Variants in OSBPL3 observed in about 807,000 individuals in gnomAD.
OSBPL3 encodes oxysterol-binding protein-related protein 3.
In OSBPL3, 65 loss-of-function variants were observed where a neutral mutation model predicts 120.1. The observed-to-expected ratio is 0.54, with a 90% CI of 0.44 to 0.67. The LOEUF is 0.67. Ranked by LOEUF, OSBPL3 falls within the 30% of genes least tolerant of loss-of-function variation. OSBPL3 has a pLI of 0.00. For missense variants in OSBPL3, 1,004 were observed against 1,082.1 expected (o/e 0.93, Z 1.01); for synonymous variants, 416 against 402.6 (o/e 1.03, Z -0.40).
intron 1 of OSBPL3, among the ~76,000 whole-genome samples, chr7:24,958,359 T>C (rs952705789): frequency 2.0e-5 from 3 of 152,202 alleles, no homozygotes; most frequent in African/African-American, 7.2e-5. Flanking sequence ...TCTCTTTGAA[T>C]ATTAAGAAAA....
intron 1 of OSBPL3, among the ~76,000 whole-genome samples, chr7:24,927,790 C>A (rs1431601587): frequency 6.6e-6 from 1 of 152,138 alleles, no homozygotes; most frequent in East Asian, 1.9e-4. Flanking sequence ...CTGTGCTTTG[C>A]TGTTCCACAC....
At chr7:24,943,509 T>C (rs1045281876) in intron 1 of OSBPL3, among the ~76,000 whole-genome samples, 1 of 152,210 alleles carries the variant, frequency 6.6e-6, no homozygotes, top group East Asian at 1.9e-4. Context: ...AGTTTCTATA[T>C]TTGCTTTGGT....
chr7:24,845,384 T>TAAAAAAATAAAAAAAAAAA (rs1798289429), intron 12 of OSBPL3, among the ~76,000 whole-genome samples: 1 of 62,264 alleles, frequency 1.6e-5, no homozygotes, highest in Non-Finnish European at 2.8e-5. Context: ...GCAAAATAAG[T>TAAAAAAATAAAAAAAAAAA]AAAAAAAAAA....
intron 5 of OSBPL3, among the ~76,000 whole-genome samples, chr7:24,866,998 C>T (rs1275547338): frequency 1.3e-5 from 2 of 152,154 alleles, no homozygotes; most frequent in African/African-American, 4.8e-5. Flanking sequence ...GGCGGGGTTT[C>T]ACCATGTTGG....
At chr7:24,864,555 A>T (rs1216750339) in intron 7 of OSBPL3, among the ~76,000 whole-genome samples, 3 of 152,190 alleles carry the variant, frequency 2.0e-5, no homozygotes, top group Non-Finnish European at 4.4e-5. Flanking sequence ...GGGTGATATT[A>T]CCTGTATTCA....
At chr7:24,850,584 T>C (rs1219702304) in intron 11 of OSBPL3, among the ~76,000 whole-genome samples, 2 of 152,188 alleles carry the variant, frequency 1.3e-5, no homozygotes, top group Non-Finnish European at 2.9e-5. Context: ...CTGCAGAGCA[T>C]ATGGGTTATT....
intron 7 of OSBPL3, among the ~76,000 whole-genome samples, chr7:24,864,721 C>A (rs772886729): frequency 6.6e-5 from 10 of 152,186 alleles, no homozygotes; most frequent in Admixed American, 2.0e-4. Context: ...CACTCCCAGT[C>A]CCGCTGTGGA....
rs1391185652 is a variant in OSBPL3 at position 24,842,260 on chromosome 7, C to A, written c.1401+19G>T. 2 of 1,610,924 alleles carry A rather than the reference C, an allele frequency of 1.2e-6. No individual in the cohort carries two copies. Among genetic ancestry groups the A allele is most frequent in the Non-Finnish European group, 1.7e-6 (2 of 1,179,206 alleles). ...CAAGAGAGATTTTTGAGGCACCATA[C>A]TGTAAACATTGCTCAAACCTCGTTT... On this transcript the variant is annotated intron_variant, in intron 13 of 22. Coordinates refer to ENST00000313367, the MANE Select transcript of OSBPL3 (RefSeq NM_015550.4).
chr7:24,962,734 T>C (rs59309613), intron 1 of OSBPL3, among the ~76,000 whole-genome samples: 7 of 152,336 alleles, frequency 4.6e-5, no homozygotes, highest in African/African-American at 1.7e-4. Context: ...TTTAATGGCA[T>C]GACTTGCCCC....
At position 24,852,505 on chromosome 7, in the gene OSBPL3, G is replaced by A. The variant is rs764551071; in HGVS notation, c.1157C>T (p.Ser386Phe). Residue 386 changes from serine (S) to phenylalanine (F), a missense_variant and splice_region_variant, in exon 11 of 23, where the codon TCC (serine) becomes TTC (phenylalanine). Ser to Phe is a radical substitution (Grantham distance 155). Coordinates refer to ENST00000313367, the MANE Select transcript of OSBPL3 (RefSeq NM_015550.4). The surrounding 1 kb of genome is among the most constrained non-coding windows in gnomAD (Gnocchi z 4.1). ...CCTGGAGGCAGACATGTAACTTACGGATGACAGGGCGTTCTTCAGACCAAT... is the reference window on the plus strand; with the variant it reads ...CCTGGAGGCAGACATGTAACTTACGAATGACAGGGCGTTCTTCAGACCAAT... ...QVIGLKNALSSALAQNTDLKE... is the reference protein window; with the variant it reads ...QVIGLKNALSFALAQNTDLKE... 6.4e-7 allele frequency: 1 copy of A among 1,571,934 alleles called. No individual in the cohort carries two copies. Among genetic ancestry groups the A allele is most frequent in the Admixed American group, 2.1e-5 (1 of 47,798 alleles).
intron 1 of OSBPL3, among the ~76,000 whole-genome samples, chr7:24,958,614 T>C (rs1433722238): frequency 1.3e-5 from 2 of 152,192 alleles, no homozygotes; most frequent in South Asian, 2.1e-4. Flanking sequence ...GGAGCATTTT[T>C]AACACTTCAT....
chr7:24,924,365 A>T (rs568248656), intron 1 of OSBPL3, among the ~76,000 whole-genome samples: 341 of 152,356 alleles, frequency 2.2e-3, no homozygotes, highest in African/African-American at 7.9e-3. Context: ...ACATTTTTAT[A>T]ATGAGAATAT....
chr7:24,868,338 AG>A (rs1228544871), intron 5 of OSBPL3, among the ~76,000 whole-genome samples: 7 of 137,910 alleles, frequency 5.1e-5, no homozygotes, highest in Non-Finnish European at 1.1e-4. Context: ...AAAAAAAAAA[AG>A]TGTGTGTGTG....
At position 24,898,643 on chromosome 7, in the gene OSBPL3, C is replaced by T. The variant is rs1040393769; in HGVS notation, c.-149-6022G>A. 1.9e-4 allele frequency among the ~76,000 whole-genome samples: 29 copies of T among 152,184 alleles called. No homozygotes were observed. Among genetic ancestry groups the T allele is most frequent in the Admixed American group, 4.6e-4 (7 of 15,280 alleles). On this transcript the variant is annotated intron_variant, in intron 1 of 22. Transcript: ENST00000313367. This position sits in a 1 kb window ranked among gnomAD's most constrained non-coding sequence, Gnocchi z 4.3. ...AAATGCACCTGGTGCATATTTGAAG[C>T]GTGCGGCTTCCATGAGACAAAAAGC...
At chr7:24,929,444 CTAAG>C (rs1212578281) in intron 1 of OSBPL3, among the ~76,000 whole-genome samples, 5 of 152,058 alleles carry the variant, frequency 3.3e-5, no homozygotes, top group Non-Finnish European at 5.9e-5. Context: ...AATTCTTGTA[CTAAG>C]TAAAAATGAA....
chr7:24,878,441 T>C (rs1803156457), intron 2 of OSBPL3, among the ~76,000 whole-genome samples: 3 of 152,224 alleles, frequency 2.0e-5, no homozygotes. Context: ...ATTTAATGTG[T>C]CTTTAATGAT....
At chr7:24,832,884 T>C (rs1246722137) in intron 15 of OSBPL3, among the ~76,000 whole-genome samples, 1 of 152,186 alleles carries the variant, frequency 6.6e-6, no homozygotes, top group Non-Finnish European at 1.5e-5. Flanking sequence ...GACTCCTGCT[T>C]AGTGGTTATG....
intron 1 of OSBPL3, among the ~76,000 whole-genome samples, chr7:24,960,438 G>C (rs1463368230): frequency 2.0e-5 from 3 of 152,176 alleles, no homozygotes; most frequent in Admixed American, 6.5e-5. Context: ...TAGTCAAGCA[G>C]AGCAGAAATA....
chr7:24,865,251 G>C (rs2128261329), intron 7 of OSBPL3, 91 bp downstream of exon 7: 1 of 1,362,660 alleles, frequency 7.3e-7, no homozygotes, highest in East Asian at 2.3e-5. Flanking sequence ...GACAAGCATA[G>C]GGGAAGGACA....
Sources: gnomAD v4.1 joint callset for allele counts (sites outside exome capture counted in the v4.1 genomes callset) on GRCh38, gnomAD v4.1.1 for gene constraint, Gnocchi (gnomAD v3.1) non-coding constraint, MANE v1.5 for transcripts, NCBI Gene and HGNC (gene_info 2026-07-23, HGNC 2026-07-21) for gene names.